The following RFX3 variants were observed in gnomAD, a reference collection of about 807,000 sequenced individuals.
RFX3 encodes the protein regulatory factor X3, also known as transcription factor RFX3.
A neutral mutation model predicts 98.6 loss-of-function variants in RFX3; 14 were observed. The ratio of observed to expected loss-of-function variants is 0.14; its 90% CI spans 0.09 to 0.22. The LOEUF (loss-of-function observed/expected upper bound fraction) is 0.22, where lower values mean the gene tolerates loss of function less well. RFX3 is among the 10% of genes least tolerant of loss of function. The pLI is 1.00. For synonymous variants in RFX3, 383 were observed against 328.4 expected, an observed-to-expected ratio of 1.17 and a Z score of -1.80; for missense variants, 639 against 926.9, an observed-to-expected ratio of 0.69 and a Z score of 4.03.
Position 3,303,202 on chromosome 9 carries a change from A to C in RFX3, c.475-1582T>G, listed in dbSNP as rs180936628. On this transcript the variant is annotated intron_variant, in intron 4 of 16. Coordinates refer to ENST00000617270, the MANE Select transcript of RFX3 (RefSeq NM_001282116.2). ...AAATAGTGATACTGCACAAATGAAA[A>C]GAGATATATTACAGAAAGAGTAATG... Among the ~76,000 whole-genome samples the C allele has an allele frequency of 1.3e-4, 20 of 152,056 alleles. 1 individual carries two copies. The East Asian group carries it at 3.3e-3, about 25-fold the overall frequency.
At chr9:3,454,422 A>G (rs964429264) in intron 1 of RFX3, among the ~76,000 whole-genome samples, 2 of 152,234 alleles carry the variant, frequency 1.3e-5, no homozygotes, top group Admixed American at 6.5e-5. Flanking sequence ...AGATTTTGCT[A>G]CAAGATTCCT....
chr9:3,234,559 G>A (rs543687873), intron 15 of RFX3, among the ~76,000 whole-genome samples: 3 of 152,198 alleles, frequency 2.0e-5, no homozygotes, highest in South Asian at 2.1e-4. Context: ...GAGAATCACC[G>A]TCCAAGGTGG....
chr9:3,352,455 T>G (rs1835260400), intron 2 of RFX3, among the ~76,000 whole-genome samples: 1 of 152,012 alleles, frequency 6.6e-6, no homozygotes, highest in African/African-American at 2.4e-5. Flanking sequence ...GAAAATAAAT[T>G]AATATATTAC....
intron 7 of RFX3, among the ~76,000 whole-genome samples, chr9:3,285,284 CAT>C (rs1563860312): frequency 2.0e-5 from 3 of 151,784 alleles, no homozygotes; most frequent in Non-Finnish European, 3.0e-5. Flanking sequence ...TTTCACATGT[CAT>C]TTGTATTTTT....
intron 7 of RFX3, among the ~76,000 whole-genome samples, chr9:3,282,483 T>A (rs908462599): frequency 1.3e-5 from 2 of 151,572 alleles, no homozygotes; most frequent in Non-Finnish European, 3.0e-5. Flanking sequence ...AAGGAGGAGG[T>A]TGAAGCTGCT....
chr9:3,476,953 A>G (rs919263946), intron 1 of RFX3, among the ~76,000 whole-genome samples: 4 of 152,170 alleles, frequency 2.6e-5, no homozygotes, highest in Non-Finnish European at 5.9e-5. Flanking sequence ...AATTTTCCCC[A>G]TCTATAAAAT....
chr9:3,502,108 A>C (rs942870861), intron 1 of RFX3, among the ~76,000 whole-genome samples: 8 of 151,544 alleles, frequency 5.3e-5, no homozygotes, highest in African/African-American at 1.7e-4. Context: ...AAATACAAAA[A>C]ATTAGCCGGG....
chr9:3,225,153 C>T lies in RFX3; in HGVS notation c.2139G>A (p.Glu713=), dbSNP rs200577968. 1.2e-6 allele frequency: 2 copies of T among 1,613,948 alleles called. No individual in the cohort carries two copies. Among genetic ancestry groups the T allele is most frequent in the East Asian group, 2.2e-5 (1 of 44,862 alleles). Residue 713 remains glutamate, a synonymous_variant, in exon 17 of 17, where the codon GAG becomes GAA. Transcript: ENST00000617270. ...TCAGGAGGCTTGGTTGCACGCCAGTCTCGAGAACAGGCTGCATGCAGCCCA... is the reference window on the plus strand; with the variant it reads ...TCAGGAGGCTTGGTTGCACGCCAGTTTCGAGAACAGGCTGCATGCAGCCCA... The part of the protein sequence containing the change: ...FPVGCMQPVL[E]TGVQPSLLNP...
At chr9:3,297,119 C>T (rs1261265106) in intron 5 of RFX3, among the ~76,000 whole-genome samples, 1 of 152,014 alleles carries the variant, frequency 6.6e-6, no homozygotes, top group East Asian at 1.9e-4. Flanking sequence ...GAAGTTAATG[C>T]CTGTTAAATA....
chr9:3,334,984 T>C (rs1833000748), intron 3 of RFX3, among the ~76,000 whole-genome samples: 1 of 151,974 alleles, frequency 6.6e-6, no homozygotes, highest in Non-Finnish European at 1.5e-5. Context: ...TAGCCAGGCA[T>C]GGTGGCACGC....
At chr9:3,485,931 C>T (rs1294912617) in intron 1 of RFX3, among the ~76,000 whole-genome samples, 1 of 151,854 alleles carries the variant, frequency 6.6e-6, no homozygotes, top group Admixed American at 6.6e-5. Context: ...TCGAGACCAG[C>T]CTGACCAACG....
intron 1 of RFX3, among the ~76,000 whole-genome samples, chr9:3,409,874 T>C (rs1480942278): frequency 6.6e-6 from 1 of 151,960 alleles, no homozygotes; most frequent in East Asian, 1.9e-4. Context: ...ATCAACCAAA[T>C]GGATCCATTA....
chr9:3,395,640 T>C (rs781611302), intron 1 of RFX3, 44 bp from the exon 2 acceptor site: 2 of 1,598,836 alleles, frequency 1.3e-6, no homozygotes, highest in East Asian at 4.5e-5. Flanking sequence ...ATGTCACTCC[T>C]GCATGACTAG....
In RFX3 at chr9:3,384,193, A is replaced by G. The variant is rs373825373; in HGVS notation, c.117+11279T>C. Among the ~76,000 whole-genome samples, 3 of 118,026 alleles carry G rather than the reference A, an allele frequency of 2.5e-5. No homozygotes were observed. The East Asian group carries it at 8.1e-4, about 32-fold the overall frequency. The allele number at this position is 118,026 out of a possible 152,430, so 77.4% of individuals were successfully genotyped here. On this transcript the variant is annotated intron_variant, in intron 2 of 16. Transcript: ENST00000617270. ...AAGTCCTTTCCTCTCCACATACACA[A>G]TGACACTACAGAATACCTCATGTTT...
At chr9:3,363,312 C>T (rs542336412) in intron 2 of RFX3, among the ~76,000 whole-genome samples, 3 of 152,220 alleles carry the variant, frequency 2.0e-5, no homozygotes, top group African/African-American at 7.2e-5. Flanking sequence ...ATCAAAATAT[C>T]TAACTACAGA....
At chr9:3,464,688 G>A (rs1848038207) in intron 1 of RFX3, among the ~76,000 whole-genome samples, 1 of 152,132 alleles carries the variant, frequency 6.6e-6, no homozygotes, top group African/African-American at 2.4e-5. Flanking sequence ...TGGTTGTAAT[G>A]GTGGAACACA....
rs145184837 is a variant in RFX3 at position 3,442,987 on chromosome 9, T to C, written c.-8-47391A>G. On this transcript the variant is annotated intron_variant, in intron 1 of 16. Coordinates refer to ENST00000617270, the MANE Select transcript of RFX3 (RefSeq NM_001282116.2). The stretch of plus-strand genomic sequence containing the variant: ...TCTGCAAACATATATCCAATAAACG[T>C]CTTACATCCATAAATGTAAAGAACT... 7.3e-4 allele frequency among the ~76,000 whole-genome samples: 111 copies of C among 152,168 alleles called. 1 individual carries two copies. The highest frequency in any genetic ancestry group is 1.1e-3 in the Non-Finnish European group (74 of 67,978).
rs534695038 is a variant in RFX3, at chr9:3,255,443, A to T, written c.1814+1548T>A. ...TGTAGCCACAGCTACAGTCAGGTGT[A>T]TGTCCTGTGGCCACCACTTTCTGAT... On this transcript the variant is annotated intron_variant, in intron 14 of 16. Transcript: ENST00000617270. Among the ~76,000 whole-genome samples, 8 of 152,330 alleles carry T rather than the reference A, an allele frequency of 5.3e-5. No individual in the cohort carries two copies. The East Asian group carries it at 1.5e-3, about 29-fold the overall frequency.
chr9:3,392,634 T>A lies in RFX3; in HGVS notation c.117+2838A>T, dbSNP rs189649163. Among the ~76,000 whole-genome samples the A allele has an allele frequency of 5.3e-5, 8 of 152,188 alleles. No individual in the cohort carries two copies. The East Asian group carries it at 1.5e-3, about 29-fold the overall frequency. Reference sequence around the variant, plus strand: ...CCAGACTGAAATGGCCCATGAAGTTTCTAGTACAGTATTTGAAAATAGGCC... The same window carrying A: ...CCAGACTGAAATGGCCCATGAAGTTACTAGTACAGTATTTGAAAATAGGCC... On this transcript the variant is annotated intron_variant, in intron 2 of 16. Transcript: ENST00000617270.
Sources: gnomAD v4.1 joint callset for allele counts (sites outside exome capture counted in the v4.1 genomes callset) on GRCh38, gnomAD v4.1.1 for gene constraint, MANE v1.5 for transcripts, NCBI Gene and HGNC (gene_info 2026-07-23, HGNC 2026-07-21) for gene names.